The following AFG3L2 variants were observed in gnomAD, a reference collection of about 807,000 sequenced individuals.
AFG3L2 encodes the protein mitochondrial inner membrane m-AAA protease component AFG3L2.
In AFG3L2, 54 loss-of-function variants were observed where a neutral mutation model predicts 94.5. The ratio of observed to expected loss-of-function variants is 0.57; its 90% CI spans 0.46 to 0.72. The LOEUF (loss-of-function observed/expected upper bound fraction) is 0.72. Ranked by LOEUF, AFG3L2 falls within the 30% of genes least tolerant of loss-of-function variation. The probability of loss-of-function intolerance (pLI) is 0.00; values close to 1 mark genes in which losing one functional copy is unlikely to be tolerated. For missense variants in AFG3L2, 754 were observed against 994.9 expected, an observed-to-expected ratio of 0.76 and a Z score of 3.26; for synonymous variants, 377 against 365.5, an observed-to-expected ratio of 1.03 and a Z score of -0.36.
chr18:12,333,233 GATAT>G (rs2093765846), intron 16 of AFG3L2, among the ~76,000 whole-genome samples: 2 of 110,956 alleles, frequency 1.8e-5, no homozygotes, highest in South Asian at 5.1e-4. Context: ...ATAAATATAT[GATAT>G]ATAATTATAT....
At chr18:12,354,654 CT>C (rs1190212392) in intron 9 of AFG3L2, among the ~76,000 whole-genome samples, 1 of 152,216 alleles carries the variant, frequency 6.6e-6, no homozygotes, top group Non-Finnish European at 1.5e-5. Context: ...AAACCACCAT[CT>C]TCAAGTCATC....
rs374341680 is a variant in AFG3L2 at position 12,352,664 on chromosome 18, C to A, written c.1318+341G>T. ...ACCAGACACAAACAGCATGTTAACA[C>A]CGATATTAAGTTATGCAGGCTGCCA... On this transcript the variant is annotated intron_variant, in intron 10 of 16. Transcript: ENST00000269143. Among the ~76,000 whole-genome samples the A allele has an allele frequency of 2.0e-5, 3 of 152,092 alleles. No individual in the cohort carries two copies. In the East Asian group the frequency reaches 5.8e-4, roughly 29 times the overall value.
intron 5 of AFG3L2, among the ~76,000 whole-genome samples, chr18:12,364,162 G>T (rs1908740860): frequency 6.6e-6 from 1 of 152,140 alleles, no homozygotes; most frequent in African/African-American, 2.4e-5. Flanking sequence ...CTTTAAAAAT[G>T]GTCTTGTTTT....
chr18:12,371,582 A>G lies in AFG3L2; in HGVS notation c.214+10T>C. 1 of 1,611,306 alleles carries G rather than the reference A, an allele frequency of 6.2e-7. No homozygotes were observed. The highest frequency in any genetic ancestry group is 8.5e-7 in the Non-Finnish European group (1 of 1,178,116). On this transcript the variant is annotated intron_variant, in intron 2 of 16. Transcript: ENST00000269143. ...AATGTAGAACACTACAGCCACACCTAAGCATTTACCTTTTGGGGGTCGAGA... is the reference window on the plus strand; with the variant it reads ...AATGTAGAACACTACAGCCACACCTGAGCATTTACCTTTTGGGGGTCGAGA...
intron 13 of AFG3L2, among the ~76,000 whole-genome samples, chr18:12,345,126 G>A (rs957718095): frequency 3.9e-5 from 6 of 152,206 alleles, no homozygotes; most frequent in Non-Finnish European, 7.4e-5. Context: ...TGATGCTGGC[G>A]CACCCTCACC....
At position 12,360,023 on chromosome 18, in the gene AFG3L2, A is replaced by C. The variant is rs1908610828; in HGVS notation, c.656T>G (p.Val219Gly). Reference protein sequence around the residue: ...GQYVWFNIGSVDTFERNLETL... With the variant: ...GQYVWFNIGSGDTFERNLETL... ...TTCCAGATTCCGTTCAAAGGTGTCC[A>C]CACTGCCAATATTAAACCAAACGTA... Residue 219 changes from valine (V) to glycine (G), a missense_variant, in exon 7 of 17, where the codon GTG (valine) becomes GGG (glycine). By Grantham distance (109) the Val-to-Gly change is moderately radical. Coordinates refer to ENST00000269143, the MANE Select transcript of AFG3L2 (RefSeq NM_006796.3). 1 of 1,614,056 alleles carries C rather than the reference A, an allele frequency of 6.2e-7. No homozygotes were observed.
chr18:12,352,960 AAAAAC>A (rs1445443793), intron 10 of AFG3L2, 40 bp downstream of exon 10: 1 of 1,610,722 alleles, frequency 6.2e-7, no homozygotes, highest in Admixed American at 1.7e-5. Context: ...TCTCAAAAAA[AAAAAC>A]AAAAGTGCAG....
At position 12,369,409 on chromosome 18, in the gene AFG3L2, C is replaced by T. The variant is rs118006454; in HGVS notation, c.292+1440G>A. Among the ~76,000 whole-genome samples, 902 of 152,164 alleles carry T rather than the reference C, an allele frequency of 5.9e-3. 8 individuals are homozygous for T. Among genetic ancestry groups the T allele is most frequent in the Middle Eastern group, 0.014 (4 of 294 alleles). ...TTCTTTGGGCATATATTTGTCTGTCCAACTAGATGACAAGTACATTTAAAA... is the reference window on the plus strand; with the variant it reads ...TTCTTTGGGCATATATTTGTCTGTCTAACTAGATGACAAGTACATTTAAAA... On this transcript the variant is annotated intron_variant, in intron 3 of 16. Coordinates refer to ENST00000269143, the MANE Select transcript of AFG3L2 (RefSeq NM_006796.3).
At chr18:12,352,338 T>C (rs1568139651) in intron 10 of AFG3L2, among the ~76,000 whole-genome samples, 3 of 152,174 alleles carry the variant, frequency 2.0e-5, no homozygotes, top group Non-Finnish European at 4.4e-5. Flanking sequence ...GGCTTCATCA[T>C]TGAAGCCAGT....
intron 5 of AFG3L2, among the ~76,000 whole-genome samples, chr18:12,366,642 G>A (rs963299464): frequency 6.6e-6 from 1 of 151,992 alleles, no homozygotes; most frequent in Non-Finnish European, 1.5e-5. Context: ...GCTGGCACAC[G>A]ACAGCACAGA....
Position 12,358,859 on chromosome 18 carries a change from G to T in AFG3L2, c.837C>A (p.Gly279=). 1 of 1,614,228 alleles carries T rather than the reference G, an allele frequency of 6.2e-7. No individual in the cohort carries two copies. The highest frequency in any genetic ancestry group is 8.5e-7 in the Non-Finnish European group (1 of 1,180,054). The stretch of plus-strand genomic sequence containing the variant: ...GTCCGCCCATCCCTCGGCCTGTCCG[G>T]CCAATGCCAGCAGGCCCTCTTCTGA... ...YTIRRGPAGI[G]RTGRGMGGLF... The change falls in exon 8 of 17, where the codon GGC becomes GGA. Residue 279 remains glycine, a synonymous_variant. Coordinates refer to ENST00000269143, the MANE Select transcript of AFG3L2 (RefSeq NM_006796.3).
chr18:12,371,814 A>G (rs1210806624), intron 1 of AFG3L2, 123 bp from the exon 2 acceptor site: 2 of 775,178 alleles, frequency 2.6e-6, no homozygotes, highest in Non-Finnish European at 4.4e-6. Context: ...ATGAAGTAAC[A>G]CAGAATGACT....
chr18:12,353,218 G>A (rs895625696), intron 9 of AFG3L2, 60 bp from the exon 10 acceptor site: 1 of 1,600,866 alleles, frequency 6.2e-7, no homozygotes, highest in African/African-American at 1.3e-5. Context: ...CTCTGAATAA[G>A]AAATGAAATA....
At chr18:12,335,186 G>C (rs1308790708) in intron 16 of AFG3L2, among the ~76,000 whole-genome samples, 1 of 152,098 alleles carries the variant, frequency 6.6e-6, no homozygotes, top group Non-Finnish European at 1.5e-5. Flanking sequence ...GACAATGTAA[G>C]TTAACAGCTT....
rs1053593126 is a variant in AFG3L2, at chr18:12,377,060, A to T, written c.23T>A (p.Leu8Gln). ...GGGCCAGCAGCCGCCCCGGCCCCAC[A>T]GCCGCAAACAGCGGTGCGCCATGGC... is the stretch of plus-strand genomic sequence containing the variant. The part of the protein sequence containing the change: MAHRCLR[L>Q]WGRGGCWPRG... The change falls in exon 1 of 17, where the codon CTG becomes CAG. Residue 8 changes from leucine (L) to glutamine (Q), a missense_variant. Leu to Gln is a moderately radical substitution (Grantham distance 113). This residue lies in a region of AFG3L2 where 236 missense variants were observed against 214.0 expected (regional missense o/e 1.10). Transcript: ENST00000269143. The T allele has an allele frequency of 7.0e-7, 1 of 1,433,134 alleles. No homozygotes were observed. The highest frequency in any genetic ancestry group is 3.1e-5 in the East Asian group (1 of 32,074). 88.8% of individuals were successfully genotyped at this position (1,433,134 alleles called of 1,614,324 possible).
chr18:12,361,623 G>A (rs1598835141), intron 6 of AFG3L2, among the ~76,000 whole-genome samples: 1 of 152,166 alleles, frequency 6.6e-6, no homozygotes, highest in Admixed American at 6.5e-5. Flanking sequence ...CTCCAGCCTG[G>A]GCGACAAAGT....
At chr18:12,348,508 T>C in intron 12 of AFG3L2, 125 bp from the exon 13 acceptor site, 1 of 760,906 alleles carries the variant, frequency 1.3e-6, no homozygotes, top group Non-Finnish European at 2.3e-6. Flanking sequence ...AGGTTTTGTG[T>C]AAATATAATT....
chr18:12,351,802 C>G (rs1417996866), intron 10 of AFG3L2, among the ~76,000 whole-genome samples: 2 of 152,182 alleles, frequency 1.3e-5, no homozygotes, highest in African/African-American at 4.8e-5. Context: ...CCGCCTGGGC[C>G]TCCCAAAGTG....
chr18:12,369,181 C>T (rs1326292011), intron 3 of AFG3L2, among the ~76,000 whole-genome samples: 3 of 152,246 alleles, frequency 2.0e-5, no homozygotes, highest in African/African-American at 7.2e-5. Flanking sequence ...CCAAACCACT[C>T]AGGGAGAAAG....
Sources: allele counts gnomAD v4.1 joint callset (sites outside exome capture counted in the v4.1 genomes callset), GRCh38; gene constraint gnomAD v4.1.1; regional missense constraint gnomAD v4.1.1; transcripts MANE v1.5; gene names NCBI Gene and HGNC (gene_info 2026-07-23, HGNC 2026-07-21).